The following PTPRN2 variants were observed in gnomAD, a reference collection of about 807,000 sequenced individuals.
The protein encoded by PTPRN2 is protein tyrosine phosphatase receptor type N2.
A neutral mutation model predicts 118.8 loss-of-function variants in PTPRN2; 74 were observed. That is an observed-to-expected ratio of 0.62 (90% CI 0.52 to 0.76). The LOEUF (loss-of-function observed/expected upper bound fraction) is 0.76. Ranked by LOEUF, PTPRN2 falls within the 30% of genes least tolerant of loss-of-function variation. The probability of loss-of-function intolerance (pLI) is 0.00; values close to 1 mark genes in which losing one functional copy is unlikely to be tolerated. For synonymous variants in PTPRN2, 641 were observed against 608.0 expected (o/e 1.05, Z -0.80); for missense variants, 1,481 against 1,394.4 (o/e 1.06, Z -0.99).
intron 12 of PTPRN2, among the ~76,000 whole-genome samples, chr7:157,747,023 T>C (rs1308292323): frequency 2.1e-5 from 3 of 140,638 alleles, no homozygotes; most frequent in Non-Finnish European, 3.0e-5. Context: ...TGTGGGCTGT[T>C]GAGGTGATTC....
chr7:158,141,927 G>A lies in PTPRN2; in HGVS notation c.911-3412C>T, dbSNP rs142708913. Among the ~76,000 whole-genome samples the A allele has an allele frequency of 9.3e-4, 142 of 152,300 alleles. 1 individual carries two copies. The highest frequency in any genetic ancestry group is 7.1e-3 in the South Asian group (34 of 4,816). On this transcript the variant is annotated intron_variant, in intron 6 of 22. Transcript: ENST00000389418. ...TGTGACGGACACGGGCGTTCTGATCGGAGCGTGCTGGGCGTTCACTGCCAC... is the reference window on the plus strand; with the variant it reads ...TGTGACGGACACGGGCGTTCTGATCAGAGCGTGCTGGGCGTTCACTGCCAC...
At chr7:158,307,659 G>A (rs1190303024) in intron 3 of PTPRN2, among the ~76,000 whole-genome samples, 1 of 151,934 alleles carries the variant, frequency 6.6e-6, no homozygotes, top group Non-Finnish European at 1.5e-5. Flanking sequence ...AAAACCCAAA[G>A]ACAAAGTAAA....
chr7:158,393,128 A>G (rs1812068834), intron 2 of PTPRN2, among the ~76,000 whole-genome samples: 1 of 152,182 alleles, frequency 6.6e-6, no homozygotes, highest in African/African-American at 2.4e-5. Context: ...TTGGCTGGAA[A>G]GGAGACTGGG....
intron 1 of PTPRN2, among the ~76,000 whole-genome samples, chr7:158,501,775 T>G (rs1213102157): frequency 1.3e-5 from 2 of 152,172 alleles, no homozygotes; most frequent in Non-Finnish European, 2.9e-5. Flanking sequence ...TTTTGAAGTT[T>G]TATTTATTGA....
At chr7:157,743,210 C>G (rs1188344295) in intron 12 of PTPRN2, among the ~76,000 whole-genome samples, 1 of 152,200 alleles carries the variant, frequency 6.6e-6, no homozygotes, top group Non-Finnish European at 1.5e-5. Context: ...GGGGAGGCAG[C>G]TCTGGGAACC....
intron 4 of PTPRN2, among the ~76,000 whole-genome samples, chr7:158,193,025 C>T (rs528683873): frequency 3.3e-5 from 5 of 152,338 alleles, no homozygotes; most frequent in South Asian, 2.1e-4. Flanking sequence ...GCCACAGCCT[C>T]GGGACGTCCA....
intron 6 of PTPRN2, among the ~76,000 whole-genome samples, chr7:158,154,542 G>A (rs1045879635): frequency 7.9e-5 from 12 of 152,166 alleles, no homozygotes; most frequent in African/African-American, 2.7e-4. Context: ...ATGGATGGGA[G>A]AGCAGAAATA....
chr7:158,016,420 A>G (rs1482227157), intron 11 of PTPRN2, among the ~76,000 whole-genome samples: 2 of 152,178 alleles, frequency 1.3e-5, no homozygotes, highest in Non-Finnish European at 2.9e-5. Flanking sequence ...CGAGTCGAGA[A>G]GGGGCCACTC....
intron 11 of PTPRN2, among the ~76,000 whole-genome samples, chr7:157,946,954 A>G (rs776641930): frequency 2.0e-4 from 31 of 152,166 alleles, no homozygotes; most frequent in Non-Finnish European, 2.6e-4. Flanking sequence ...GTCTCTATCC[A>G]TTGACTCCCA....
chr7:158,257,775 G>T (rs1797127611), intron 3 of PTPRN2, among the ~76,000 whole-genome samples: 1 of 152,252 alleles, frequency 6.6e-6, no homozygotes, highest in Non-Finnish European at 1.5e-5. Context: ...CTGCCCTGAT[G>T]ATGAGAATCA....
Position 157,726,454 on chromosome 7 carries a change from T to C in PTPRN2, c.1789-43517A>G, listed in dbSNP as rs1010962213. 3.9e-5 allele frequency among the ~76,000 whole-genome samples: 6 copies of C among 152,106 alleles called. No homozygotes were observed. In the South Asian group the frequency reaches 1.0e-3, roughly 26 times the overall value. On this transcript the variant is annotated intron_variant, in intron 12 of 22. Coordinates refer to ENST00000389418, the MANE Select transcript of PTPRN2 (RefSeq NM_002847.5). ...ACACGCAGAGGAGTGAGCCAGACCG[T>C]CACCTCCCACCCGAGCGTGCGCTGA...
intron 11 of PTPRN2, among the ~76,000 whole-genome samples, chr7:158,044,725 G>A (rs1466973999): frequency 6.6e-6 from 1 of 152,238 alleles, no homozygotes; most frequent in Non-Finnish European, 1.5e-5. Context: ...CTCAGAAACA[G>A]TGTCCAGGGC....
chr7:157,588,518 T>C (rs1800804928), intron 17 of PTPRN2, among the ~76,000 whole-genome samples: 1 of 152,196 alleles, frequency 6.6e-6, no homozygotes, highest in Admixed American at 6.5e-5. Context: ...CACCAGGACA[T>C]GACTGGGCTG....
chr7:158,112,972 G>A (rs927037559), intron 9 of PTPRN2, among the ~76,000 whole-genome samples: 2 of 152,134 alleles, frequency 1.3e-5, no homozygotes, highest in Admixed American at 6.5e-5. Context: ...GAGCACCTAA[G>A]ACGGAGCCTT....
chr7:158,146,433 A>C (rs1042695714), intron 6 of PTPRN2, among the ~76,000 whole-genome samples: 23 of 152,204 alleles, frequency 1.5e-4, no homozygotes, highest in Admixed American at 1.3e-3. Context: ...TATTCTAAGA[A>C]ATAATAGGCT....
intron 2 of PTPRN2, among the ~76,000 whole-genome samples, chr7:158,330,146 C>A (rs1804080648): frequency 7.4e-6 from 1 of 135,018 alleles, no homozygotes; most frequent in African/African-American, 2.6e-5. Flanking sequence ...ACGTCACTCA[C>A]ACCCACACTC....
intron 1 of PTPRN2, among the ~76,000 whole-genome samples, chr7:158,543,041 C>T (rs1826080583): frequency 6.6e-6 from 1 of 152,228 alleles, no homozygotes; most frequent in African/African-American, 2.4e-5. Flanking sequence ...GTTAGAAACT[C>T]TTATTTTCAA....
At chr7:158,540,619 C>T (rs1202297908) in intron 1 of PTPRN2, among the ~76,000 whole-genome samples, 1 of 152,190 alleles carries the variant, frequency 6.6e-6, no homozygotes, top group African/African-American at 2.4e-5. Context: ...AGAGCGTCAC[C>T]ACCCCACATC....
At chr7:158,252,527 A>T (rs1360460819) in intron 3 of PTPRN2, among the ~76,000 whole-genome samples, 1 of 152,082 alleles carries the variant, frequency 6.6e-6, no homozygotes, top group Admixed American at 6.6e-5. Context: ...CCCCAGCCCC[A>T]GCCCTGCACC....
Sources: gnomAD v4.1 joint callset for allele counts (sites outside exome capture counted in the v4.1 genomes callset) on GRCh38, gnomAD v4.1.1 for gene constraint, MANE v1.5 for transcripts, NCBI Gene and HGNC (gene_info 2026-07-23, HGNC 2026-07-21) for gene names.